Variants in ADGRL3 observed in about 807,000 individuals in gnomAD.
ADGRL3 encodes the protein calcium-independent alpha-latrotoxin receptor 3.
Under a neutral mutation model 153.5 loss-of-function variants are expected in ADGRL3, and 62 were observed. The observed-to-expected ratio is 0.40, with a 90% CI of 0.33 to 0.50. The LOEUF is 0.50. Ranked by LOEUF, ADGRL3 falls within the 20% of genes least tolerant of loss-of-function variation. ADGRL3 has a pLI of 0.47. For synonymous variants in ADGRL3, 710 were observed against 672.5 expected, an observed-to-expected ratio of 1.06 and a Z score of -0.86; for missense variants, 1,641 against 1,859.4, an observed-to-expected ratio of 0.88 and a Z score of 2.16.
At chr4:61,329,973 T>C (rs2095539273) in intron 1 of ADGRL3, among the ~76,000 whole-genome samples, 1 of 152,196 alleles carries the variant, frequency 6.6e-6, no homozygotes, top group Non-Finnish European at 1.5e-5. Context: ...TGCAATCACT[T>C]TGACACATTC....
intron 2 of ADGRL3, among the ~76,000 whole-genome samples, chr4:61,450,891 A>G (rs2097665535): frequency 6.6e-6 from 1 of 152,148 alleles, no homozygotes; most frequent in Admixed American, 6.5e-5. Flanking sequence ...ACTGCTTCCC[A>G]GAGAAGAGTG....
At chr4:61,627,638 T>G (rs183470416) in intron 5 of ADGRL3, among the ~76,000 whole-genome samples, 1 of 150,146 alleles carries the variant, frequency 6.7e-6, no homozygotes, top group Admixed American at 6.6e-5. Flanking sequence ...AACAAACAAA[T>G]AAAGAAACAC....
intron 1 of ADGRL3, among the ~76,000 whole-genome samples, chr4:61,313,931 T>C (rs1233661328): frequency 6.6e-6 from 1 of 152,018 alleles, no homozygotes; most frequent in Non-Finnish European, 1.5e-5. Flanking sequence ...TGGGAACCTA[T>C]AGACATGCCA....
chr4:61,473,850 G>A (rs1289583836), intron 2 of ADGRL3, among the ~76,000 whole-genome samples: 1 of 152,114 alleles, frequency 6.6e-6, no homozygotes, highest in African/African-American at 2.4e-5. Context: ...TAGATGCCAA[G>A]TCTTGTGCTA....
chr4:61,854,962 G>A (rs749360487), intron 9 of ADGRL3, among the ~76,000 whole-genome samples: 2 of 152,058 alleles, frequency 1.3e-5, no homozygotes, highest in South Asian at 2.1e-4. Context: ...ATAGCTGACC[G>A]GCACTCCTCA....
chr4:61,783,331 A>G (rs1336013879), intron 8 of ADGRL3, among the ~76,000 whole-genome samples: 1 of 152,110 alleles, frequency 6.6e-6, no homozygotes, highest in Non-Finnish European at 1.5e-5. Flanking sequence ...GTGATTCAGT[A>G]TGTATTTAAT....
At chr4:61,568,142 C>T (rs1252811353) in intron 4 of ADGRL3, among the ~76,000 whole-genome samples, 14 of 151,974 alleles carry the variant, frequency 9.2e-5, no homozygotes, top group Non-Finnish European at 1.8e-4. Flanking sequence ...CTGATTTCAT[C>T]GGAAATATTC....
At chr4:61,664,511 A>G (rs369651425) in intron 5 of ADGRL3, among the ~76,000 whole-genome samples, 1 of 152,156 alleles carries the variant, frequency 6.6e-6, no homozygotes. Flanking sequence ...ACATGCATAC[A>G]GCTACAATAC....
intron 25 of ADGRL3, among the ~76,000 whole-genome samples, chr4:62,049,306 T>C (rs1397546): frequency 0.29 from 43,402 of 152,008 alleles, 7,020 homozygotes; most frequent in Admixed American, 0.38. Context: ...TCTGGAACAA[T>C]TGCTTGGCTA....
intron 1 of ADGRL3, among the ~76,000 whole-genome samples, chr4:61,331,297 A>G (rs950212504): frequency 4.6e-5 from 7 of 152,190 alleles, no homozygotes; most frequent in African/African-American, 9.6e-5. Context: ...CAGAAAGGTT[A>G]TGTAGGAGAT....
At chr4:61,389,223 TG>T (rs1443010831) in intron 2 of ADGRL3, among the ~76,000 whole-genome samples, 1 of 152,078 alleles carries the variant, frequency 6.6e-6, no homozygotes, top group Non-Finnish European at 1.5e-5. Flanking sequence ...ACAACAACAA[TG>T]GGGATTGAGT....
chr4:61,912,243 T>A (rs2098725017), intron 12 of ADGRL3, among the ~76,000 whole-genome samples: 1 of 152,176 alleles, frequency 6.6e-6, no homozygotes, highest in Non-Finnish European at 1.5e-5. Context: ...AGTTTTTGTA[T>A]ATATGAAGAA....
At chr4:61,416,049 C>A (rs952613959) in intron 2 of ADGRL3, among the ~76,000 whole-genome samples, 1 of 151,998 alleles carries the variant, frequency 6.6e-6, no homozygotes, top group African/African-American at 2.4e-5. Flanking sequence ...TCTCTAATCT[C>A]TAGTGCTAAA....
chr4:62,072,118 G>A lies in ADGRL3; in HGVS notation c.*1210G>A, dbSNP rs1162888027. On this transcript the variant is annotated 3_prime_UTR_variant, in exon 27 of 27. Coordinates refer to ENST00000683033, the MANE Select transcript of ADGRL3 (RefSeq NM_001387552.1). ...GGTTTTCCATAGGCATTAAAGTGCT[G>A]AATGCTCAGTCTGATCAACAAGTGG... The A allele has an allele frequency of 6.5e-6, 1 of 153,714 alleles. No individual in the cohort carries two copies. Among genetic ancestry groups the A allele is most frequent in the Non-Finnish European group, 1.5e-5 (1 of 68,910 alleles). The allele number at this position is 153,714 out of a possible 1,614,324, so 9.5% of individuals were successfully genotyped here.
At chr4:61,855,333 A>G (rs73823267) in intron 9 of ADGRL3, among the ~76,000 whole-genome samples, 26,782 of 152,078 alleles carry the variant, frequency 0.18, 3,077 homozygotes, top group African/African-American at 0.33. Context: ...TAAAATTAAG[A>G]GACCAAAATA....
At chr4:61,896,890 G>A (rs931525049) in intron 11 of ADGRL3, among the ~76,000 whole-genome samples, 3 of 152,100 alleles carry the variant, frequency 2.0e-5, no homozygotes, top group Non-Finnish European at 2.9e-5. Context: ...GAGATCAGTA[G>A]CATATCTCCC....
rs543052360 is a variant in ADGRL3, at chr4:61,571,428, G to A, written c.260-15799G>A. 6.6e-5 allele frequency among the ~76,000 whole-genome samples: 10 copies of A among 152,210 alleles called. No individual in the cohort carries two copies. In the East Asian group the frequency reaches 7.7e-4, roughly 12 times the overall value. Reference sequence around the variant, plus strand: ...CTCAGGAGGCTGAGACGAGAGGATCGCTTAGGCCCAGGAGTTCAAGGCTGC... The same window carrying A: ...CTCAGGAGGCTGAGACGAGAGGATCACTTAGGCCCAGGAGTTCAAGGCTGC... On this transcript the variant is annotated intron_variant, in intron 4 of 26. Transcript: ENST00000683033.
intron 9 of ADGRL3, among the ~76,000 whole-genome samples, chr4:61,851,011 G>T (rs2098195979): frequency 6.6e-6 from 1 of 152,036 alleles, no homozygotes; most frequent in African/African-American, 2.4e-5. Flanking sequence ...GAATAAAAAA[G>T]TGAACCAAGT....
chr4:61,676,707 A>G, intron 5 of ADGRL3, 119 bp from the exon 6 acceptor site: 1 of 735,932 alleles, frequency 1.4e-6, no homozygotes, highest in South Asian at 1.7e-5. Flanking sequence ...AAAGCCCCAA[A>G]TTAAGCAAAA....
Sources: gnomAD v4.1 joint callset for allele counts (sites outside exome capture counted in the v4.1 genomes callset) on GRCh38, gnomAD v4.1.1 for gene constraint, MANE v1.5 for transcripts, NCBI Gene and HGNC (gene_info 2026-07-23, HGNC 2026-07-21) for gene names.